Variants in MGAT1 observed in about 807,000 individuals in gnomAD.
The protein encoded by MGAT1 is alpha-1,3-mannosyl-glycoprotein 2-beta-N-acetylglucosaminyltransferase.
In MGAT1, 14 loss-of-function variants were observed where a neutral mutation model predicts 31.7. That is an observed-to-expected ratio of 0.44 (90% CI 0.29 to 0.69). The LOEUF (loss-of-function observed/expected upper bound fraction) is 0.69. Ranked by LOEUF, MGAT1 falls within the 30% of genes least tolerant of loss-of-function variation. The pLI is 0.12. For missense variants in MGAT1, 557 were observed against 626.0 expected (o/e 0.89, Z 1.18); for synonymous variants, 338 against 276.0 (o/e 1.22, Z -2.23).
chr5:180,793,175 C>T, intron 1 of MGAT1, 78 bp from the exon 2 acceptor site: 2 of 641,496 alleles, frequency 3.1e-6, no homozygotes, highest in South Asian at 2.0e-5. Context: ...GAAATGGGGG[C>T]AGGAAAAGGC....
chr5:180,807,822 ATCT>A (rs1448206710), intron 2 of MGAT1, among the ~76,000 whole-genome samples: 1 of 152,252 alleles, frequency 6.6e-6, no homozygotes, highest in African/African-American at 2.4e-5. Context: ...CACTAAGGAC[ATCT>A]TCTTAGGCTG....
In MGAT1 at chr5:180,792,733, G is replaced by C. The variant is rs900272538; in HGVS notation, c.239C>G (p.Ser80Trp). 4 of 1,547,292 alleles carry C rather than the reference G, an allele frequency of 2.6e-6. No individual in the cohort carries two copies. The highest frequency in any genetic ancestry group is 1.4e-5 in the African/African-American group (1 of 73,234). ...GLLQQIGDAL[S>W]SQRGRVPTAA... ...GGTGGGCACCCTCCCCCGCTGGCTC[G>C]ACAGGGCATCCCCGATCTGCTGCAG... is the stretch of plus-strand genomic sequence containing the variant. The change falls in exon 2 of 2, where the codon TCG (serine) becomes TGG (tryptophan). Residue 80 changes from serine to tryptophan, a missense_variant. By Grantham distance (177) the Ser-to-Trp change is radical. This residue lies in a region of MGAT1 where 167 missense variants were observed against 149.8 expected (regional missense o/e 1.11). Coordinates refer to ENST00000307826, the MANE Select transcript of MGAT1 (RefSeq NM_002406.4).
intron 1 of MGAT1, among the ~76,000 whole-genome samples, chr5:180,814,678 A>AC (rs1772758948): frequency 6.6e-6 from 1 of 152,154 alleles, no homozygotes; most frequent in East Asian, 1.9e-4. Context: ...GCAGTGGCTC[A>AC]CGCTTGTAAT....
In MGAT1 at chr5:180,792,024, G is replaced by A. The variant is rs754432049; in HGVS notation, c.948C>T (p.Arg316=). 1.9e-6 allele frequency: 3 copies of A among 1,614,082 alleles called. No individual in the cohort carries two copies. The highest frequency in any genetic ancestry group is 2.5e-6 in the Non-Finnish European group (3 of 1,180,038). The part of the protein sequence containing the change: ...PEISRTMTFG[R]KGVSHGQFFD... ...AGAACTGCCCGTGGCTCACACCCTT[G>A]CGGCCAAAGGTCATCGTTCTTGAGA... is the stretch of plus-strand genomic sequence containing the variant. Residue 316 remains arginine, a synonymous_variant, in exon 2 of 2, where the codon CGC becomes CGT. Coordinates refer to ENST00000307826, the MANE Select transcript of MGAT1 (RefSeq NM_002406.4).
intron 1 of MGAT1, among the ~76,000 whole-genome samples, chr5:180,815,157 A>G (rs1178673252): frequency 1.3e-5 from 2 of 151,958 alleles, no homozygotes; most frequent in Non-Finnish European, 2.9e-5. Flanking sequence ...CTAAGGTGCT[A>G]GCGCAGGTCT....
At chr5:180,796,217 C>T (rs1260131753) in intron 1 of MGAT1, among the ~76,000 whole-genome samples, 1 of 152,090 alleles carries the variant, frequency 6.6e-6, no homozygotes, top group African/African-American at 2.4e-5. Flanking sequence ...TCCTGAAGGG[C>T]CTCTAAAGAG....
chr5:180,792,654 A>C lies in MGAT1; in HGVS notation c.318T>G (p.Ile106Met). The C allele has an allele frequency of 1.3e-6, 2 of 1,584,592 alleles. No individual in the cohort carries two copies. The highest frequency in any genetic ancestry group is 1.7e-6 in the Non-Finnish European group (2 of 1,163,914). The stretch of plus-strand genomic sequence containing the variant: ...GGTCACAGGCGATGACCAGGATGGG[A>C]ATCACCGCCGGCGCGGGGGTCACAG... ...RVPVTPAPAV[I>M]PILVIACDRS... The change falls in exon 2 of 2, where the codon ATT becomes ATG. Residue 106 changes from isoleucine (I) to methionine (M), a missense_variant. By Grantham distance (10) the Ile-to-Met change is conservative (BLOSUM62 1). Coordinates refer to ENST00000307826, the MANE Select transcript of MGAT1 (RefSeq NM_002406.4).
At chr5:180,795,076 A>C (rs973219636) in intron 1 of MGAT1, among the ~76,000 whole-genome samples, 1 of 152,202 alleles carries the variant, frequency 6.6e-6, no homozygotes, top group Non-Finnish European at 1.5e-5. Context: ...TGGGAAAAAC[A>C]AAAAAGAGCA....
rs964619702 is a variant in MGAT1 at position 180,792,283 on chromosome 5, T to C, written c.689A>G (p.Lys230Arg). ...GACGCACCACAGGGAGGGGTCGGCC[T>C]TCAGCAGCGGATAGGTGGCCCGAAA... ...EYFRATYPLL[K>R]ADPSLWCVSA... Residue 230 changes from lysine (K) to arginine (R), a missense_variant, in exon 2 of 2, where the codon AAG becomes AGG. Transcript: ENST00000307826. 2 of 1,611,570 alleles carry C rather than the reference T, an allele frequency of 1.2e-6. No homozygotes were observed. Among genetic ancestry groups the C allele is most frequent in the Admixed American group, 1.7e-5 (1 of 60,010 alleles).
intron 1 of MGAT1, chr5:180,810,159 G>C (rs887691120): frequency 1.4e-4 from 11 of 76,882 alleles, no homozygotes; most frequent in Non-Finnish European, 2.7e-4. Flanking sequence ...CCAGCGGCCC[G>C]GCCCTCCCCT....
At position 180,791,321 on chromosome 5, in the gene MGAT1, C is replaced by T. The variant is rs1768042667; in HGVS notation, c.*313G>A. The T allele has an allele frequency of 2.3e-6, 1 of 436,554 alleles. No homozygotes were observed. 27.0% of individuals were successfully genotyped at this position (436,554 alleles called of 1,614,324 possible). ...AAGAGAGCGAACGTTGCCAAACTCT[C>T]TGCACATGCTCCAGGAGAAAGCTCA... On this transcript the variant is annotated 3_prime_UTR_variant, in exon 2 of 2. Transcript: ENST00000307826.
Position 180,797,582 on chromosome 5 carries a change from C to G in MGAT1, c.-126-4485G>C, listed in dbSNP as rs563242899. The stretch of plus-strand genomic sequence containing the variant: ...GACATCAGAATTTGGTGGCCCACAC[C>G]CACTACCTGATGCTTAGGACCTCCT... On this transcript the variant is annotated intron_variant, in intron 1 of 1. Transcript: ENST00000307826. 2.0e-5 allele frequency among the ~76,000 whole-genome samples: 3 copies of G among 152,254 alleles called. No homozygotes were observed. The East Asian group carries it at 5.8e-4, about 29-fold the overall frequency.
At position 180,787,872 on chromosome 5, in the gene MGAT1, C is replaced by T. The variant is rs1020541102; in HGVS notation, c.*3762G>A. 6.6e-6 allele frequency: 1 copy of T among 152,344 alleles called. No homozygotes were observed. Among genetic ancestry groups the T allele is most frequent in the South Asian group, 2.1e-4 (1 of 4,828 alleles). The allele number at this position is 152,344 out of a possible 1,614,324, so 9.4% of individuals were successfully genotyped here. A position where few individuals can be genotyped will look rare whatever the true frequency, so the allele number is the denominator to read the frequency against. On this transcript the variant is annotated 3_prime_UTR_variant, in exon 2 of 2. Transcript: ENST00000307826. ...GCGACTTGATCCACAAATGAGATCC[C>T]ACCAGTGACCCAGGTAAGAGGATTG...
intron 1 of MGAT1, chr5:180,810,823 C>G (rs1042454729): frequency 2.0e-5 from 3 of 152,402 alleles, no homozygotes; most frequent in African/African-American, 7.2e-5. Flanking sequence ...TTTCTCGCTG[C>G]CTCTCTTGAC....
intron 1 of MGAT1, among the ~76,000 whole-genome samples, chr5:180,811,667 A>G (rs562949040): frequency 8.7e-5 from 12 of 137,904 alleles, no homozygotes; most frequent in African/African-American, 2.5e-4. Flanking sequence ...TGCCCTCCCT[A>G]CCCTCCCAGT....
chr5:180,798,011 C>T (rs1769872666), intron 1 of MGAT1, among the ~76,000 whole-genome samples: 1 of 152,224 alleles, frequency 6.6e-6, no homozygotes, highest in South Asian at 2.1e-4. Flanking sequence ...CAAGCCCAGA[C>T]CTTGGCCAGC....
chr5:180,802,461 G>A (rs907710303), intron 1 of MGAT1, among the ~76,000 whole-genome samples: 4 of 152,138 alleles, frequency 2.6e-5, no homozygotes, highest in African/African-American at 9.7e-5. Context: ...TGGAGGCCCG[G>A]GATTCCGAAA....
upstream of MGAT1, chr5:180,803,182 TC>T (rs1771279482): frequency 6.6e-6 from 1 of 152,376 alleles, no homozygotes; most frequent in Non-Finnish European, 1.5e-5. Flanking sequence ...TGGGAGCCAG[TC>T]CCCCCACCCC....
intron 1 of MGAT1, among the ~76,000 whole-genome samples, chr5:180,793,391 G>C (rs1450894434): frequency 2.6e-5 from 4 of 152,156 alleles, no homozygotes; most frequent in African/African-American, 9.7e-5. Flanking sequence ...GGAGGGGCAA[G>C]GAGTGACAGC....
Sources: gnomAD v4.1 joint callset for allele counts (sites outside exome capture counted in the v4.1 genomes callset) on GRCh38, gnomAD v4.1.1 for gene constraint, gnomAD v4.1.1 regional missense constraint, MANE v1.5 for transcripts, NCBI Gene and HGNC (gene_info 2026-07-23, HGNC 2026-07-21) for gene names.